The following DDX25 variants were observed in gnomAD, a reference collection of about 807,000 sequenced individuals.
The protein encoded by DDX25 is DEAD-box helicase 25.
A neutral mutation model predicts 64.6 loss-of-function variants in DDX25; 70 were observed. The ratio of observed to expected loss-of-function variants is 1.08; its 90% CI spans 0.89 to 1.32. DDX25 has a LOEUF of 1.32. Among genes scored for constraint, DDX25 ranks in the 40% most tolerant of loss-of-function variants. The pLI is 0.00. For missense variants in DDX25, 587 were observed against 604.4 expected (o/e 0.97, Z 0.30); for synonymous variants, 211 against 213.3 (o/e 0.99, Z 0.09).
chr11:125,909,973 A>G (rs916772740), intron 6 of DDX25, among the ~76,000 whole-genome samples: 1 of 152,148 alleles, frequency 6.6e-6, no homozygotes, highest in Non-Finnish European at 1.5e-5. Context: ...CAGACTTTTA[A>G]TAGCAAATGA....
chr11:125,906,294 T>A (rs896062326), intron 4 of DDX25, 85 bp downstream of exon 4: 4 of 1,410,330 alleles, frequency 2.8e-6, no homozygotes, highest in Non-Finnish European at 3.7e-6. Flanking sequence ...ACCATCAGGA[T>A]CTCCTCTTTG....
At position 125,927,790 on chromosome 11, in the gene DDX25, T is replaced by C. The variant is rs1400690208; in HGVS notation, c.*4909T>C. 1.3e-5 allele frequency: 2 copies of C among 152,116 alleles called. No individual in the cohort carries two copies. Among genetic ancestry groups the C allele is most frequent in the South Asian group, 2.1e-4 (1 of 4,820 alleles). The allele number at this position is 152,116 out of a possible 1,614,324, so 9.4% of individuals were successfully genotyped here. ...GGTGAACTCCCCATTCATGAGAGCA[T>C]TCAATCAATCAGAAGATGAATAGTT... is the stretch of plus-strand genomic sequence containing the variant. On this transcript the variant is annotated 3_prime_UTR_variant, in exon 12 of 12. Transcript: ENST00000263576.
rs551373 is a variant in DDX25, at chr11:125,908,558, G to T, written c.507+55G>T. ...TGCTTGCACTACCAGTGCTAATTTA[G>T]TAATAGGTGATATTCCTGTGCAATG... On this transcript the variant is annotated intron_variant, in intron 6 of 11. Coordinates refer to ENST00000263576, the MANE Select transcript of DDX25 (RefSeq NM_013264.5). 0.15 allele frequency: 219,504 copies of T among 1,480,500 alleles called. 17,828 individuals are homozygous for T. The highest frequency in any genetic ancestry group is 0.28 in the Admixed American group (16,558 of 59,414). 91.7% of individuals were successfully genotyped at this position (1,480,500 alleles called of 1,614,324 possible).
At chr11:125,908,120 T>C in intron 4 of DDX25, 76 bp from the exon 5 acceptor site, 2 of 1,207,372 alleles carry the variant, frequency 1.7e-6, no homozygotes, top group Non-Finnish European at 2.3e-6. Flanking sequence ...AATTTAGAAA[T>C]GCACCTTTCA....
intron 6 of DDX25, among the ~76,000 whole-genome samples, chr11:125,908,918 C>T (rs749219185): frequency 2.6e-5 from 4 of 152,152 alleles, no homozygotes; most frequent in African/African-American, 4.8e-5. Flanking sequence ...AAGTAATTTA[C>T]GTTTTTAGCA....
chr11:125,907,340 G>T (rs961355081), intron 4 of DDX25, among the ~76,000 whole-genome samples: 1 of 152,196 alleles, frequency 6.6e-6, no homozygotes, highest in African/African-American at 2.4e-5. Context: ...CGGGCGCGGT[G>T]GCTCACGCCT....
intron 8 of DDX25, among the ~76,000 whole-genome samples, chr11:125,911,891 C>G (rs1206404953): frequency 6.6e-6 from 1 of 152,164 alleles, no homozygotes; most frequent in Admixed American, 6.5e-5. Flanking sequence ...TAATCTAGTC[C>G]TGACTTTCCC....
At position 125,910,286 on chromosome 11, in the gene DDX25, C is replaced by T. The variant is rs1208423445; in HGVS notation, c.508-78C>T. On this transcript the variant is annotated intron_variant, in intron 6 of 11. Coordinates refer to ENST00000263576, the MANE Select transcript of DDX25 (RefSeq NM_013264.5). ...TTTCCTTTCTGTGCCTCTCCCTGTA[C>T]AAATTTTTATTGCAGTTGAAATTTG... 20 of 1,238,902 alleles carry T rather than the reference C, an allele frequency of 1.6e-5. No individual in the cohort carries two copies. The East Asian group carries it at 3.0e-4, about 19-fold the overall frequency. The allele number at this position is 1,238,902 out of a possible 1,614,324, so 76.7% of individuals were successfully genotyped here.
rs909566904 is a variant in DDX25 at position 125,926,798 on chromosome 11, T to G, written c.*3917T>G. On this transcript the variant is annotated 3_prime_UTR_variant, in exon 12 of 12. Transcript: ENST00000263576. ...GTGACCTCAGGTGATCCACACGCCT[T>G]GGCTTCCCAAAGTGCTGGGATTACA... 4 of 152,264 alleles carry G rather than the reference T, an allele frequency of 2.6e-5. No individual in the cohort carries two copies. The highest frequency in any genetic ancestry group is 9.7e-5 in the African/African-American group (4 of 41,448). 9.4% of individuals were successfully genotyped at this position (152,264 alleles called of 1,614,324 possible). A position where few individuals can be genotyped will look rare whatever the true frequency, so the allele number is the denominator to read the frequency against.
rs1945183071 is a variant in DDX25, at chr11:125,928,030, G to C, written c.*5149G>C. ...TAACTTCTAATTGTACCCTGTCTTA[G>C]CGTTCAGATGCATTGGTTCCTTCCC... On this transcript the variant is annotated 3_prime_UTR_variant, in exon 12 of 12. Transcript: ENST00000263576. 6.6e-6 allele frequency: 1 copy of C among 152,218 alleles called. No homozygotes were observed. Among genetic ancestry groups the C allele is most frequent in the African/African-American group, 2.4e-5 (1 of 41,452 alleles). The allele number at this position is 152,218 out of a possible 1,614,324, so 9.4% of individuals were successfully genotyped here. A position where few individuals can be genotyped will look rare whatever the true frequency, so the allele number is the denominator to read the frequency against.
chr11:125,920,678 A>G (rs1322637650), intron 10 of DDX25, among the ~76,000 whole-genome samples: 1 of 152,080 alleles, frequency 6.6e-6, no homozygotes, highest in African/African-American at 2.4e-5. Flanking sequence ...CGTAGGAGAG[A>G]TGAGAGGAGT....
In DDX25 at chr11:125,924,738, G is replaced by A. The variant is rs1395051184; in HGVS notation, c.*1857G>A. The A allele has an allele frequency of 6.6e-6, 1 of 152,340 alleles. No individual in the cohort carries two copies. The highest frequency in any genetic ancestry group is 1.9e-4 in the East Asian group (1 of 5,190). 9.4% of individuals were successfully genotyped at this position (152,340 alleles called of 1,614,324 possible). On this transcript the variant is annotated 3_prime_UTR_variant, in exon 12 of 12. Coordinates refer to ENST00000263576, the MANE Select transcript of DDX25 (RefSeq NM_013264.5). ...AGCCCAGAAATACCCACTTCCATAAGGGAGCCGCAAGTGCAGGTAGAGCAG... is the reference window on the plus strand; with the variant it reads ...AGCCCAGAAATACCCACTTCCATAAAGGAGCCGCAAGTGCAGGTAGAGCAG...
At chr11:125,909,586 A>G (rs1019970436) in intron 6 of DDX25, among the ~76,000 whole-genome samples, 4 of 151,550 alleles carry the variant, frequency 2.6e-5, no homozygotes, top group Admixed American at 2.0e-4. Context: ...CATATTATGT[A>G]TTGTAAAGAT....
chr11:125,904,210 G>T (rs1249528832), upstream of DDX25, among the ~76,000 whole-genome samples: 1 of 152,048 alleles, frequency 6.6e-6, no homozygotes, highest in African/African-American at 2.4e-5. Flanking sequence ...GGCGGCGCGG[G>T]GGGCGCTCTC....
At position 125,908,421 on chromosome 11, in the gene DDX25, A is replaced by G; in HGVS notation, c.425A>G (p.Gln142Arg). 2 of 1,614,026 alleles carry G rather than the reference A, an allele frequency of 1.2e-6. No individual in the cohort carries two copies. The highest frequency in any genetic ancestry group is 2.2e-5 in the South Asian group (2 of 91,084). ...TACAGACCCCAGAACCTCATAGCAC[A>G]GAGCCAGTCTGGAACAGGAAAGACA... ...LAHPPQNLIA[Q>R]SQSGTGKTAA... The change falls in exon 6 of 12, where the codon CAG becomes CGG. Residue 142 changes from glutamine (Q) to arginine (R), a missense_variant. Gln to Arg is a conservative substitution (Grantham distance 43). Coordinates refer to ENST00000263576, the MANE Select transcript of DDX25 (RefSeq NM_013264.5).
At chr11:125,904,685 G>A in intron 1 of DDX25, 105 bp downstream of exon 1, 1 of 1,288,712 alleles carries the variant, frequency 7.8e-7, no homozygotes, top group Non-Finnish European at 1.1e-6. Flanking sequence ...GTTCGAAGTG[G>A]GGCGTCAGAT....
At chr11:125,909,000 C>T (rs1944931885) in intron 6 of DDX25, among the ~76,000 whole-genome samples, 3 of 152,176 alleles carry the variant, frequency 2.0e-5, no homozygotes, top group Non-Finnish European at 4.4e-5. Flanking sequence ...TCAGGTAGTC[C>T]ACCTCACTCT....
intron 4 of DDX25, 47 bp downstream of exon 4, chr11:125,906,256 A>G (rs577610849): frequency 1.2e-4 from 174 of 1,503,838 alleles, no homozygotes; most frequent in Non-Finnish European, 1.4e-4. Flanking sequence ...TGAAAACCAC[A>G]GAACAAACGC....
rs1366622344 is a variant in DDX25, at chr11:125,927,158, C to T, written c.*4277C>T. On this transcript the variant is annotated 3_prime_UTR_variant, in exon 12 of 12. Transcript: ENST00000263576. ...TTTTTAATGTGGATTTTCCATCCCC[C>T]TTTAAACATTAAACTTTTAGATTCT... 1 of 152,236 alleles carries T rather than the reference C, an allele frequency of 6.6e-6. No individual in the cohort carries two copies. Among genetic ancestry groups the T allele is most frequent in the African/African-American group, 2.4e-5 (1 of 41,458 alleles). The allele number at this position is 152,236 out of a possible 1,614,324, so 9.4% of individuals were successfully genotyped here.
Sources: allele counts gnomAD v4.1 joint callset (sites outside exome capture counted in the v4.1 genomes callset), GRCh38; gene constraint gnomAD v4.1.1; transcripts MANE v1.5; gene names NCBI Gene and HGNC (gene_info 2026-07-23, HGNC 2026-07-21).